Variants in GSG1L observed in about 807,000 individuals in gnomAD.
GSG1L encodes GSG1 like.
GSG1L carries 24 observed loss-of-function variants against 42.1 expected under a neutral mutation model. The observed-to-expected ratio is 0.57, with a 90% CI of 0.41 to 0.80. The LOEUF (loss-of-function observed/expected upper bound fraction) is 0.80. GSG1L is among the 30% of genes least tolerant of loss of function. The probability of loss-of-function intolerance (pLI) is 0.00; values close to 1 mark genes in which losing one functional copy is unlikely to be tolerated. For synonymous variants in GSG1L, 215 were observed against 203.5 expected (o/e 1.06, Z -0.48); for missense variants, 445 against 472.2 (o/e 0.94, Z 0.53).
chr16:27,842,264 A>T lies in GSG1L; in HGVS notation c.662+2686T>A, dbSNP rs116946168. ...ACAATATAAGAGCTGGTGTTTACTG[A>T]GAACACACCATGTGTGGAACATCAC... is the stretch of plus-strand genomic sequence containing the variant. On this transcript the variant is annotated intron_variant, in intron 4 of 6. Transcript: ENST00000447459. Among the ~76,000 whole-genome samples the T allele has an allele frequency of 9.0e-3, 1,376 of 152,246 alleles. 61 individuals carry two copies. The South Asian group carries it at 0.11, about 12-fold the overall frequency.
chr16:28,021,527 G>A (rs909791827), intron 1 of GSG1L, among the ~76,000 whole-genome samples: 12 of 152,192 alleles, frequency 7.9e-5, no homozygotes, highest in Non-Finnish European at 1.2e-4. Flanking sequence ...AATGCATTCC[G>A]TCTTCCCAGG....
chr16:28,063,560 C>T lies in GSG1L; in HGVS notation c.-136G>A, dbSNP rs1596745254. The T allele has an allele frequency of 2.4e-4, 83 of 339,474 alleles. No homozygotes were observed. In the South Asian group the frequency reaches 8.3e-3, roughly 34 times the overall value. The allele number at this position is 339,474 out of a possible 1,614,324, so 21.0% of individuals were successfully genotyped here. On this transcript the variant is annotated 5_prime_UTR_variant, in exon 1 of 7. Coordinates refer to ENST00000447459, the MANE Select transcript of GSG1L (RefSeq NM_001109763.2). This position sits in a 1 kb window ranked among gnomAD's most constrained non-coding sequence, Gnocchi z 5.8. ...TGCCTGAGATCGGCGGCGGCGGACG[C>T]GGCGCGGGCCCATGCCCCCCCCAAC...
At chr16:27,846,280 T>A (rs1379068043) in intron 3 of GSG1L, among the ~76,000 whole-genome samples, 2 of 152,204 alleles carry the variant, frequency 1.3e-5, no homozygotes, top group African/African-American at 4.8e-5. Flanking sequence ...TACTGCCCAA[T>A]GCTGAGTCTC....
intron 6 of GSG1L, among the ~76,000 whole-genome samples, chr16:27,800,996 C>G (rs2082875115): frequency 6.6e-6 from 1 of 152,002 alleles, no homozygotes; most frequent in Non-Finnish European, 1.5e-5. Context: ...TGGTGCAGAT[C>G]AGGGAAGGCT....
chr16:28,003,653 G>C (rs1483236935), intron 1 of GSG1L, among the ~76,000 whole-genome samples: 1 of 152,196 alleles, frequency 6.6e-6, no homozygotes, highest in Non-Finnish European at 1.5e-5. Flanking sequence ...GAAGAACTGG[G>C]CCGGCCAGGT....
chr16:27,855,431 C>A (rs1182495657), intron 3 of GSG1L, among the ~76,000 whole-genome samples: 1 of 152,076 alleles, frequency 6.6e-6, no homozygotes, highest in Non-Finnish European at 1.5e-5. Context: ...CAGAAAAAGA[C>A]CAACGGGGCC....
chr16:28,050,087 TGATGAATG>T (rs1567569958), intron 1 of GSG1L, among the ~76,000 whole-genome samples: 2 of 151,852 alleles, frequency 1.3e-5, no homozygotes, highest in Non-Finnish European at 1.5e-5. Context: ...TTAATAGATG[TGATGAATG>T]AATGAATGAA....
intron 1 of GSG1L, among the ~76,000 whole-genome samples, chr16:28,039,560 C>T (rs946711720): frequency 6.6e-6 from 1 of 152,052 alleles, no homozygotes. Flanking sequence ...CAGGCATGCA[C>T]ACATATGTGC....
intron 2 of GSG1L, among the ~76,000 whole-genome samples, chr16:27,957,453 T>A (rs1461030356): frequency 6.6e-6 from 1 of 152,254 alleles, no homozygotes; most frequent in African/African-American, 2.4e-5. Context: ...TCTTCTTCTC[T>A]GCCTGGCACA....
chr16:28,062,693 C>G (rs1039092193), intron 1 of GSG1L, among the ~76,000 whole-genome samples: 3 of 152,166 alleles, frequency 2.0e-5, no homozygotes, highest in Non-Finnish European at 4.4e-5. Flanking sequence ...ATCTAGTGCC[C>G]CGCGAAAGGA....
chr16:27,802,414 C>T (rs972872094), intron 6 of GSG1L, among the ~76,000 whole-genome samples: 2 of 152,138 alleles, frequency 1.3e-5, no homozygotes, highest in African/African-American at 4.8e-5. Context: ...AGCTGTTTGA[C>T]GTGGGAGTTC....
At chr16:27,864,489 G>A (rs1248810465) in intron 3 of GSG1L, among the ~76,000 whole-genome samples, 1 of 152,174 alleles carries the variant, frequency 6.6e-6, no homozygotes. Flanking sequence ...CATCCCTGCA[G>A]TTCTCAGCAA....
chr16:27,888,002 A>G, intron 2 of GSG1L: 1 of 657,610 alleles, frequency 1.5e-6, no homozygotes, highest in Non-Finnish European at 1.9e-6. Flanking sequence ...GAGAGCGCTG[A>G]GCCTGCAGGA....
intron 2 of GSG1L, among the ~76,000 whole-genome samples, chr16:27,956,671 A>G (rs1415368316): frequency 6.6e-6 from 1 of 150,662 alleles, no homozygotes; most frequent in Non-Finnish European, 1.5e-5. Flanking sequence ...CCATGAAAAA[A>G]CCTCCACCAA....
chr16:28,041,563 G>A (rs950322869), intron 1 of GSG1L, among the ~76,000 whole-genome samples: 2 of 152,186 alleles, frequency 1.3e-5, no homozygotes, highest in Non-Finnish European at 2.9e-5. Context: ...ATGAGTAAAT[G>A]AATGAATAAG....
intron 1 of GSG1L, among the ~76,000 whole-genome samples, chr16:27,996,838 G>T (rs2085519439): frequency 6.6e-6 from 1 of 152,134 alleles, no homozygotes; most frequent in Non-Finnish European, 1.5e-5. Context: ...TCGACTCACT[G>T]CAGCCTCTGC....
intron 1 of GSG1L, among the ~76,000 whole-genome samples, chr16:28,046,415 G>A (rs2086159291): frequency 7.2e-6 from 1 of 139,104 alleles, no homozygotes; most frequent in African/African-American, 2.8e-5. Context: ...GTGCAGTAGT[G>A]TGATCTCAGC....
intron 2 of GSG1L, among the ~76,000 whole-genome samples, chr16:27,902,382 G>A (rs1324770979): frequency 6.6e-6 from 1 of 152,164 alleles, no homozygotes; most frequent in Non-Finnish European, 1.5e-5. Context: ...GGGCTTTGGC[G>A]ATTGGAACCC....
At chr16:28,003,892 T>G (rs1314261252) in intron 1 of GSG1L, among the ~76,000 whole-genome samples, 1 of 151,924 alleles carries the variant, frequency 6.6e-6, no homozygotes, top group Non-Finnish European at 1.5e-5. Context: ...CCCAGAAAGA[T>G]GGAGGCTGGG....
Sources: allele counts gnomAD v4.1 joint callset (sites outside exome capture counted in the v4.1 genomes callset), GRCh38; gene constraint gnomAD v4.1.1; non-coding constraint Gnocchi (gnomAD v3.1); transcripts MANE v1.5; gene names NCBI Gene and HGNC (gene_info 2026-07-23, HGNC 2026-07-21).